Variants in NEDD9 observed in about 807,000 individuals in gnomAD.
NEDD9 encodes neural precursor cell expressed, developmentally down-regulated 9.
In NEDD9, 26 loss-of-function variants were observed where a neutral mutation model predicts 76.6. That is an observed-to-expected ratio of 0.34 (90% CI 0.25 to 0.47). The LOEUF is 0.47. Among genes scored for constraint, NEDD9 ranks in the 20% least tolerant of loss-of-function variants. NEDD9 has a pLI of 1.00. For synonymous variants in NEDD9, 392 were observed against 414.2 expected (o/e 0.95, Z 0.65); for missense variants, 937 against 1,058.5 (o/e 0.89, Z 1.59).
intron 2 of NEDD9, among the ~76,000 whole-genome samples, chr6:11,206,150 G>A (rs1758610440): frequency 6.6e-6 from 1 of 152,126 alleles, no homozygotes; most frequent in South Asian, 2.1e-4. Context: ...CGGGCGTGAT[G>A]GCTCATGTCT....
At chr6:11,192,725 G>T (rs1758182706) in intron 3 of NEDD9, among the ~76,000 whole-genome samples, 1 of 149,544 alleles carries the variant, frequency 6.7e-6, no homozygotes, top group Non-Finnish European at 1.5e-5. Flanking sequence ...ACAAGGTCAA[G>T]AAATCGAGAC....
At position 11,244,680 on chromosome 6, in the gene NEDD9, A is replaced by C. The variant is rs146926272; in HGVS notation, c.13-30953T>G. ...AGATCTTTTTGAGATTTGTATATGAAGCCTGGGAGAGAGACAACTTCTCTG... is the reference window on the plus strand; with the variant it reads ...AGATCTTTTTGAGATTTGTATATGACGCCTGGGAGAGAGACAACTTCTCTG... On this transcript the variant is annotated intron_variant, in intron 3 of 3. Coordinates refer to the NEDD9 transcript ENST00000397378. Among the ~76,000 whole-genome samples, 110 of 152,350 alleles carry C rather than the reference A, an allele frequency of 7.2e-4. 1 individual carries two copies. In the South Asian group the frequency reaches 0.016, roughly 22 times the overall value.
intron 3 of NEDD9, among the ~76,000 whole-genome samples, chr6:11,263,577 C>A (rs1168339935): frequency 6.6e-6 from 1 of 152,246 alleles, no homozygotes; most frequent in Non-Finnish European, 1.5e-5. Context: ...CTTGGGCTGG[C>A]TGGCTTGTGC....
chr6:11,272,512 G>T (rs769203290), intron 3 of NEDD9, among the ~76,000 whole-genome samples: 17 of 152,238 alleles, frequency 1.1e-4, no homozygotes, highest in Non-Finnish European at 1.8e-4. Context: ...GGTAGGATGT[G>T]TGAGCAAAAG....
chr6:11,296,679 CCCTTCCTTCCTTCCTT>C (rs529125193), intron 3 of NEDD9, among the ~76,000 whole-genome samples: 6 of 92,856 alleles, frequency 6.5e-5, no homozygotes, highest in Non-Finnish European at 1.0e-4. Context: ...CCTTTCCTTT[CCCTTCCTTCCTTCCTT>C]CCTTCCTTCC....
intron 3 of NEDD9, among the ~76,000 whole-genome samples, chr6:11,261,124 A>C (rs942864082): frequency 3.9e-5 from 6 of 152,164 alleles, no homozygotes; most frequent in African/African-American, 1.4e-4. Context: ...AAGATTTGAG[A>C]GGACTGAGCA....
intron 3 of NEDD9, among the ~76,000 whole-genome samples, chr6:11,300,448 T>C (rs138410796): frequency 2.6e-5 from 4 of 152,322 alleles, no homozygotes; most frequent in Admixed American, 1.3e-4. Flanking sequence ...TTCAGGATAT[T>C]ATCCTGGAAA....
chr6:11,339,962 A>G (rs756699308), intron 1 of NEDD9, among the ~76,000 whole-genome samples: 9 of 152,228 alleles, frequency 5.9e-5, no homozygotes, highest in Non-Finnish European at 1.0e-4. Context: ...TAAGGGGATA[A>G]TAACCATGTT....
chr6:11,243,261 T>C (rs1759743061), intron 3 of NEDD9, among the ~76,000 whole-genome samples: 1 of 152,240 alleles, frequency 6.6e-6, no homozygotes, highest in South Asian at 2.1e-4. Flanking sequence ...AAGCCATTGA[T>C]GCATAGAATA....
intron 3 of NEDD9, among the ~76,000 whole-genome samples, chr6:11,262,870 A>G (rs1428302724): frequency 6.6e-6 from 1 of 152,236 alleles, no homozygotes; most frequent in Non-Finnish European, 1.5e-5. Flanking sequence ...TAAAATGCAA[A>G]ATCATACATT....
intron 3 of NEDD9, among the ~76,000 whole-genome samples, chr6:11,295,076 A>C (rs991015619): frequency 6.6e-6 from 1 of 152,204 alleles, no homozygotes; most frequent in East Asian, 1.9e-4. Context: ...CTCCCCGGCC[A>C]TGTGGAATGG....
intron 2 of NEDD9, among the ~76,000 whole-genome samples, chr6:11,211,530 G>T (rs1758788948): frequency 6.6e-6 from 1 of 152,198 alleles, no homozygotes; most frequent in African/African-American, 2.4e-5. Context: ...CCAGGACTAA[G>T]AATGAGTGAA....
intron 3 of NEDD9, among the ~76,000 whole-genome samples, chr6:11,256,482 T>C (rs1760007235): frequency 6.6e-6 from 1 of 152,190 alleles, no homozygotes; most frequent in Non-Finnish European, 1.5e-5. Context: ...AATTTATTAG[T>C]ATTTAATTTT....
chr6:11,220,698 A>C (rs2113771042), intron 1 of NEDD9, among the ~76,000 whole-genome samples: 1 of 152,322 alleles, frequency 6.6e-6, no homozygotes, highest in African/African-American at 2.4e-5. Flanking sequence ...TGCTCACTGC[A>C]AATTTGGATA....
intron 1 of NEDD9, among the ~76,000 whole-genome samples, chr6:11,380,948 A>G (rs1763053112): frequency 6.6e-6 from 1 of 152,140 alleles, no homozygotes; most frequent in South Asian, 2.1e-4. Context: ...AGCCGGGACT[A>G]TAGGCATACA....
chr6:11,206,649 G>A (rs1758624548), intron 2 of NEDD9, among the ~76,000 whole-genome samples: 1 of 152,174 alleles, frequency 6.6e-6, no homozygotes, highest in Non-Finnish European at 1.5e-5. Flanking sequence ...AGTTACTAAT[G>A]CACTCTTAGA....
intron 1 of NEDD9, among the ~76,000 whole-genome samples, chr6:11,359,535 T>A (rs1762639067): frequency 6.6e-6 from 1 of 152,262 alleles, no homozygotes; most frequent in South Asian, 2.1e-4. Flanking sequence ...AGTTCAAAGT[T>A]ATCTGTAAGT....
rs1009480276 is a variant in NEDD9, at chr6:11,184,816, C to G, written c.*346G>C. On this transcript the variant is annotated 3_prime_UTR_variant, in exon 7 of 7. Coordinates refer to ENST00000379446, the MANE Select transcript of NEDD9 (RefSeq NM_006403.4). ...AAAATGCAGCATTAGAAGGTGCTTACTAAGGTGCTTCGTAATTCATGGTTT... is the reference window on the plus strand; with the variant it reads ...AAAATGCAGCATTAGAAGGTGCTTAGTAAGGTGCTTCGTAATTCATGGTTT... The G allele has an allele frequency of 5.4e-6, 1 of 186,820 alleles. No individual in the cohort carries two copies. The highest frequency in any genetic ancestry group is 1.1e-5 in the Non-Finnish European group (1 of 88,656). 11.6% of individuals were successfully genotyped at this position (186,820 alleles called of 1,614,324 possible). A position where few individuals can be genotyped will look rare whatever the true frequency, so the allele number is the denominator to read the frequency against.
chr6:11,334,356 G>A (rs984512613), intron 2 of NEDD9: 1 of 152,098 alleles, frequency 6.6e-6, no homozygotes, highest in African/African-American at 2.4e-5. Context: ...ATTATCTTTT[G>A]TCATCTGAAA....
Sources: gnomAD v4.1 joint callset for allele counts (sites outside exome capture counted in the v4.1 genomes callset) on GRCh38, gnomAD v4.1.1 for gene constraint, MANE v1.5 for transcripts, NCBI Gene and HGNC (gene_info 2026-07-23, HGNC 2026-07-21) for gene names.